The following ARIH1 variants were observed in gnomAD, a reference collection of about 807,000 sequenced individuals.
ARIH1 encodes E3 ubiquitin-protein ligase ARIH1.
A neutral mutation model predicts 85.0 loss-of-function variants in ARIH1; 8 were observed. That is an observed-to-expected ratio of 0.09 (90% CI 0.06 to 0.17). The LOEUF (loss-of-function observed/expected upper bound fraction) is 0.17. Ranked by LOEUF, ARIH1 falls within the 10% of genes least tolerant of loss-of-function variation. The probability of loss-of-function intolerance (pLI) is 1.00; values close to 1 mark genes in which losing one functional copy is unlikely to be tolerated. For synonymous variants in ARIH1, 238 were observed against 253.6 expected, an observed-to-expected ratio of 0.94 and a Z score of 0.59; for missense variants, 311 against 718.1, an observed-to-expected ratio of 0.43 and a Z score of 6.48.
rs762126728 is a variant in ARIH1, at chr15:72,580,732, G to T, written c.1217G>T (p.Arg406Leu). The change falls in exon 12 of 14, where the codon CGA becomes CTA. Residue 406 changes from arginine (R) to leucine (L), a missense_variant and splice_region_variant. Arg to Leu is a moderately radical substitution (Grantham distance 102). Coordinates refer to ENST00000379887, the MANE Select transcript of ARIH1 (RefSeq NM_005744.5). ...ACCCAATTTTTCTTAATGGGACAGC[G>T]ATCTAGGGCAGCCCTGCAGAGGTAC... is the stretch of plus-strand genomic sequence containing the variant. The part of the protein sequence containing the change: ...DAKAARDAQE[R>L]SRAALQRYLF... 2 of 1,609,078 alleles carry T rather than the reference G, an allele frequency of 1.2e-6. No individual in the cohort carries two copies. Among genetic ancestry groups the T allele is most frequent in the Non-Finnish European group, 1.7e-6 (2 of 1,176,692 alleles).
chr15:72,492,238 T>C (rs1280654441), intron 1 of ARIH1, among the ~76,000 whole-genome samples: 1 of 152,206 alleles, frequency 6.6e-6, no homozygotes, highest in African/African-American at 2.4e-5. Context: ...TATATAAAAT[T>C]TGTTCGTTAT....
intron 2 of ARIH1, among the ~76,000 whole-genome samples, chr15:72,539,848 T>G (rs1388767110): frequency 6.6e-6 from 1 of 152,198 alleles, no homozygotes; most frequent in Non-Finnish European, 1.5e-5. Flanking sequence ...GGAAGGGATT[T>G]TGGCCAAAGT....
chr15:72,513,762 CCTCCCTCCCTCCCCCT>C (rs2063961227), intron 1 of ARIH1, among the ~76,000 whole-genome samples: 1 of 10,332 alleles, frequency 9.7e-5, no homozygotes, highest in African/African-American at 1.8e-4. Flanking sequence ...TCCCCCTCTC[CCTCCCTCCCTCCCCCT>C]CTCCCTCCCT....
At chr15:72,521,933 T>C (rs943105226) in intron 2 of ARIH1, among the ~76,000 whole-genome samples, 2 of 152,218 alleles carry the variant, frequency 1.3e-5, no homozygotes, top group Non-Finnish European at 2.9e-5. Context: ...ACTGTACTCA[T>C]CTTTGTTTTT....
chr15:72,491,953 T>C (rs1441458042), intron 1 of ARIH1, among the ~76,000 whole-genome samples: 3 of 152,228 alleles, frequency 2.0e-5, no homozygotes, highest in Non-Finnish European at 4.4e-5. Context: ...CCTGCTGTGC[T>C]CCAGAAGACT....
intron 1 of ARIH1, among the ~76,000 whole-genome samples, chr15:72,480,726 G>A (rs1019159281): frequency 6.6e-6 from 1 of 152,016 alleles, no homozygotes; most frequent in African/African-American, 2.4e-5. Context: ...CACCACGCCT[G>A]GCTAATTTTG....
At chr15:72,484,584 C>G (rs2063829588) in intron 1 of ARIH1, among the ~76,000 whole-genome samples, 2 of 151,822 alleles carry the variant, frequency 1.3e-5, no homozygotes, top group Non-Finnish European at 2.9e-5. Flanking sequence ...CAGGTTGATG[C>G]AAATGCCATT....
Position 72,594,203 on chromosome 15 carries a change from C to G in ARIH1, c.*10911C>G, listed in dbSNP as rs891155545. On this transcript the variant is annotated 3_prime_UTR_variant, in exon 14 of 14. Transcript: ENST00000379887. Reference sequence around the variant, plus strand: ...TTTTTTTTTGAGACGGAGTTTTGCTCTTGTTGGCTAGGCTGGAGTGCAGTG... The same window carrying G: ...TTTTTTTTTGAGACGGAGTTTTGCTGTTGTTGGCTAGGCTGGAGTGCAGTG... 7.5e-6 allele frequency: 1 copy of G among 134,120 alleles called. No homozygotes were observed. The highest frequency in any genetic ancestry group is 2.8e-5 in the African/African-American group (1 of 35,848). The allele number at this position is 134,120 out of a possible 1,614,324, so 8.3% of individuals were successfully genotyped here.
At chr15:72,572,055 TCC>T in intron 10 of ARIH1, 51 bp from the exon 11 acceptor site, 2 of 1,284,946 alleles carry the variant, frequency 1.6e-6, no homozygotes, top group Non-Finnish European at 2.2e-6. Context: ...TTTTTTTTTT[TCC>T]TTTTCATTGA....
intron 1 of ARIH1, among the ~76,000 whole-genome samples, chr15:72,482,113 G>T (rs1404081087): frequency 6.6e-6 from 1 of 152,140 alleles, no homozygotes; most frequent in Non-Finnish European, 1.5e-5. Flanking sequence ...TGGGATTACA[G>T]GCATGAGCCA....
intron 5 of ARIH1, among the ~76,000 whole-genome samples, chr15:72,559,229 G>A (rs529393366): frequency 6.6e-6 from 1 of 152,208 alleles, no homozygotes; most frequent in South Asian, 2.1e-4. Flanking sequence ...GACCCATGCA[G>A]TTCAAACCTG....
At chr15:72,544,745 G>A in intron 2 of ARIH1, 75 bp from the exon 3 acceptor site, 1 of 1,320,632 alleles carries the variant, frequency 7.6e-7, no homozygotes, top group Non-Finnish European at 1.0e-6. Context: ...TTTCCCTATA[G>A]AAAGTCAGGT....
chr15:72,537,238 T>C (rs575281997), intron 2 of ARIH1, among the ~76,000 whole-genome samples: 1 of 152,302 alleles, frequency 6.6e-6, no homozygotes, highest in Admixed American at 6.5e-5. Flanking sequence ...TATGTAGTTA[T>C]GCCAGTCATC....
chr15:72,552,759 T>C (rs986472457), intron 3 of ARIH1, among the ~76,000 whole-genome samples: 2 of 149,670 alleles, frequency 1.3e-5, no homozygotes, highest in Non-Finnish European at 3.0e-5. Flanking sequence ...ACAACAGGGA[T>C]GGGAATGAGG....
At chr15:72,513,575 T>G (rs1436813522) in intron 1 of ARIH1, among the ~76,000 whole-genome samples, 1 of 152,086 alleles carries the variant, frequency 6.6e-6, no homozygotes, top group African/African-American at 2.4e-5. Context: ...TTTCTGTCGC[T>G]TTTCCTTCTT....
At chr15:72,563,521 A>G (rs2064206008) in intron 7 of ARIH1, 21 bp downstream of exon 7, 2 of 1,577,074 alleles carry the variant, frequency 1.3e-6, no homozygotes, top group East Asian at 4.5e-5. Flanking sequence ...GATTTCCTAA[A>G]TTGAAATAGT....
At chr15:72,553,130 T>C (rs968332988) in intron 3 of ARIH1, among the ~76,000 whole-genome samples, 4 of 152,116 alleles carry the variant, frequency 2.6e-5, no homozygotes, top group Non-Finnish European at 5.9e-5. Context: ...AAGTAATTGT[T>C]TTTAGTAATG....
chr15:72,502,762 C>T (rs187642365), intron 1 of ARIH1, among the ~76,000 whole-genome samples: 118 of 152,128 alleles, frequency 7.8e-4, no homozygotes, highest in East Asian at 1.2e-3. Context: ...GCCAAGATCT[C>T]GCCACTGTAC....
At chr15:72,486,219 G>A (rs906820749) in intron 1 of ARIH1, among the ~76,000 whole-genome samples, 6 of 152,070 alleles carry the variant, frequency 3.9e-5, no homozygotes, top group Non-Finnish European at 5.9e-5. Context: ...TACCTGAGGT[G>A]TGCAGCAGTC....
Sources: gnomAD v4.1 joint callset for allele counts (sites outside exome capture counted in the v4.1 genomes callset) on GRCh38, gnomAD v4.1.1 for gene constraint, MANE v1.5 for transcripts, NCBI Gene and HGNC (gene_info 2026-07-23, HGNC 2026-07-21) for gene names.